PHF20: variants seen among roughly 807,000 people sequenced by gnomAD.
The protein encoded by PHF20 is glioma-expressed antigen 2.
Under a neutral mutation model 113.5 loss-of-function variants are expected in PHF20, and 23 were observed. That is an observed-to-expected ratio of 0.20 (90% CI 0.15 to 0.29). The LOEUF is 0.29. Ranked by LOEUF, PHF20 falls within the 10% of genes least tolerant of loss-of-function variation. The probability of loss-of-function intolerance (pLI) is 1.00; values close to 1 mark genes in which losing one functional copy is unlikely to be tolerated. For synonymous variants in PHF20, 434 were observed against 457.3 expected, an observed-to-expected ratio of 0.95 and a Z score of 0.65; for missense variants, 943 against 1,219.6, an observed-to-expected ratio of 0.77 and a Z score of 3.38.
At chr20:35,943,402 A>G (rs1041559789) in intron 17 of PHF20, among the ~76,000 whole-genome samples, 6 of 151,242 alleles carry the variant, frequency 4.0e-5, no homozygotes, top group African/African-American at 1.5e-4. Flanking sequence ...TTGTAATCCC[A>G]GTGCTTTGGG....
At chr20:35,775,785 T>A (rs62211712) in intron 1 of PHF20, among the ~76,000 whole-genome samples, 2 of 147,294 alleles carry the variant, frequency 1.4e-5, no homozygotes, top group African/African-American at 5.0e-5. Flanking sequence ...GGCCAAAACT[T>A]CTCCAGGAGT....
intron 2 of PHF20, among the ~76,000 whole-genome samples, chr20:35,813,557 G>T (rs2042013567): frequency 1.3e-5 from 2 of 151,880 alleles, no homozygotes; most frequent in South Asian, 2.1e-4. Flanking sequence ...TTAGGAAAGG[G>T]TATTTAGAAA....
intron 9 of PHF20, among the ~76,000 whole-genome samples, chr20:35,890,676 T>C (rs2054832149): frequency 6.6e-6 from 1 of 151,908 alleles, no homozygotes; most frequent in African/African-American, 2.4e-5. Context: ...AGGTCAGGAG[T>C]TCGAGACCAG....
chr20:35,792,035 A>T (rs2041566427), intron 1 of PHF20, among the ~76,000 whole-genome samples: 1 of 152,198 alleles, frequency 6.6e-6, no homozygotes, highest in Admixed American at 6.6e-5. Flanking sequence ...CACTGATTTA[A>T]TCGACTCATT....
At chr20:35,929,616 A>C (rs2055711660) in intron 14 of PHF20, among the ~76,000 whole-genome samples, 1 of 152,274 alleles carries the variant, frequency 6.6e-6, no homozygotes, top group Non-Finnish European at 1.5e-5. Flanking sequence ...GCTCCTTAGC[A>C]TACCTTTTAA....
chr20:35,811,833 C>T (rs1295697081), intron 2 of PHF20, among the ~76,000 whole-genome samples: 2 of 151,468 alleles, frequency 1.3e-5, no homozygotes, highest in South Asian at 4.2e-4. Flanking sequence ...TGCAGTGGCT[C>T]GATCTCTGCT....
At chr20:35,884,407 C>T (rs532329555) in intron 9 of PHF20, among the ~76,000 whole-genome samples, 1 of 152,254 alleles carries the variant, frequency 6.6e-6, no homozygotes, top group African/African-American at 2.4e-5. Context: ...GCTGTTCCAA[C>T]CTAACTCTGG....
chr20:35,878,691 T>A, intron 9 of PHF20: 1 of 779,456 alleles, frequency 1.3e-6, no homozygotes, highest in Non-Finnish European at 2.4e-6. Flanking sequence ...ATGACTGTTG[T>A]TATATCATGT....
chr20:35,829,564 C>T (rs145974446), intron 2 of PHF20, among the ~76,000 whole-genome samples: 2 of 149,954 alleles, frequency 1.3e-5, no homozygotes, highest in Admixed American at 6.6e-5. Context: ...CATGGCTGGT[C>T]TGAAACTCCT....
intron 17 of PHF20, among the ~76,000 whole-genome samples, chr20:35,946,657 TTTTATTTTATTTTATTTTATTTTA>T (rs967555171): frequency 3.5e-5 from 5 of 144,440 alleles, no homozygotes; most frequent in Admixed American, 1.4e-4. Flanking sequence ...TTATTTTTTA[TTTTATTTTATTTTATTTTATTTTA>T]TTTATTTTAT....
At chr20:35,944,182 A>G (rs1200467805) in intron 17 of PHF20, among the ~76,000 whole-genome samples, 2 of 152,074 alleles carry the variant, frequency 1.3e-5, no homozygotes, top group Non-Finnish European at 2.9e-5. Flanking sequence ...TGGTATGGAG[A>G]GGGTGGCCTG....
rs141912442 is a variant in PHF20, at chr20:35,824,392, A to G, written c.84-18181A>G. ...GGGAGGCTGAGGTGGGCGGATCACA[A>G]GGTCAAGAGATCGAGATCATCCTGG... On this transcript the variant is annotated intron_variant, in intron 2 of 17. Coordinates refer to ENST00000374012, the MANE Select transcript of PHF20 (RefSeq NM_016436.5). 7.3e-3 allele frequency among the ~76,000 whole-genome samples: 1,113 copies of G among 152,076 alleles called. 6 individuals are homozygous for G. Among genetic ancestry groups the G allele is most frequent in the African/African-American group, 0.014 (564 of 41,484 alleles).
At position 35,947,917 on chromosome 20, in the gene PHF20, G is replaced by T; in HGVS notation, c.*290G>T. 1 of 290,458 alleles carries T rather than the reference G, an allele frequency of 3.4e-6. No homozygotes were observed. The allele number at this position is 290,458 out of a possible 1,614,324, so 18.0% of individuals were successfully genotyped here. A position where few individuals can be genotyped will look rare whatever the true frequency, so the allele number is the denominator to read the frequency against. ...TTTTGCACAAACTTCACTTGAAATTGTGCCACTGATGATAAACGGAATGAG... is the reference window on the plus strand; with the variant it reads ...TTTTGCACAAACTTCACTTGAAATTTTGCCACTGATGATAAACGGAATGAG... On this transcript the variant is annotated 3_prime_UTR_variant, in exon 18 of 18. Coordinates refer to ENST00000374012, the MANE Select transcript of PHF20 (RefSeq NM_016436.5).
At chr20:35,943,086 G>T (rs1020796246) in intron 17 of PHF20, among the ~76,000 whole-genome samples, 4 of 152,180 alleles carry the variant, frequency 2.6e-5, no homozygotes, top group African/African-American at 4.8e-5. Flanking sequence ...GCCTCCCAAA[G>T]TGCTGGGATT....
At chr20:35,795,869 T>A (rs1265121659) in intron 1 of PHF20, among the ~76,000 whole-genome samples, 1 of 152,162 alleles carries the variant, frequency 6.6e-6, no homozygotes, top group Non-Finnish European at 1.5e-5. Context: ...AATTTTTTTT[T>A]TGAGACAGTC....
chr20:35,850,296 G>GTTTTTTTTTTTTTTTTTTTT (rs554100863), intron 4 of PHF20, among the ~76,000 whole-genome samples: 2 of 62,358 alleles, frequency 3.2e-5, no homozygotes, highest in African/African-American at 5.7e-5. Context: ...TTCCCCCTCC[G>GTTTTTTTTTTTTTTTTTTTT]TTTTTTTTTT....
intron 2 of PHF20, among the ~76,000 whole-genome samples, chr20:35,837,501 A>AT (rs1200428331): frequency 1.3e-5 from 2 of 152,206 alleles, no homozygotes; most frequent in Non-Finnish European, 2.9e-5. Flanking sequence ...GCCTGTACAA[A>AT]TTCCATTCAC....
intron 1 of PHF20, among the ~76,000 whole-genome samples, chr20:35,790,347 C>T (rs960687944): frequency 1.3e-5 from 2 of 151,750 alleles, no homozygotes; most frequent in African/African-American, 4.8e-5. Context: ...ATTACAGGCG[C>T]ATGCCACCAC....
At chr20:35,839,897 C>T (rs2042511542) in intron 2 of PHF20, among the ~76,000 whole-genome samples, 1 of 152,142 alleles carries the variant, frequency 6.6e-6, no homozygotes, top group Non-Finnish European at 1.5e-5. Context: ...AATACATGAC[C>T]TTTGGGAAGA....
Sources: gnomAD v4.1 joint callset for allele counts (sites outside exome capture counted in the v4.1 genomes callset) on GRCh38, gnomAD v4.1.1 for gene constraint, MANE v1.5 for transcripts, NCBI Gene and HGNC (gene_info 2026-07-23, HGNC 2026-07-21) for gene names.